RORC: variants seen among roughly 807,000 people sequenced by gnomAD.
RORC encodes the protein RAR related orphan receptor C.
In RORC, 13 loss-of-function variants were observed where a neutral mutation model predicts 64.5. The ratio of observed to expected loss-of-function variants is 0.20; its 90% CI spans 0.13 to 0.32. The LOEUF (loss-of-function observed/expected upper bound fraction) is 0.32, where lower values mean the gene tolerates loss of function less well. Among genes scored for constraint, RORC ranks in the 10% least tolerant of loss-of-function variants. The pLI, the probability that RORC is intolerant of heterozygous loss-of-function variation, is 1.00. For missense variants in RORC, 468 were observed against 669.5 expected, an observed-to-expected ratio of 0.70 and a Z score of 3.32; for synonymous variants, 277 against 259.3, an observed-to-expected ratio of 1.07 and a Z score of -0.65.
chr1:151,816,598 CAGCAGGCCAGGCT>C, intron 4 of RORC, 53 bp downstream of exon 4: 1 of 1,488,502 alleles, frequency 6.7e-7, no homozygotes, highest in South Asian at 1.3e-5. Context: ...TTGTCTAGCT[CAGCAGGCCAGGCT>C]GCCCCTCTGG....
intron 3 of RORC, 105 bp from the exon 4 acceptor site, chr1:151,816,910 A>C: frequency 8.1e-7 from 1 of 1,233,890 alleles, no homozygotes; most frequent in Non-Finnish European, 1.1e-6. Flanking sequence ...ACATCCCACG[A>C]CCTGTCAGTT....
chr1:151,829,437 GTCT>G lies in RORC; in HGVS notation c.59_61del (p.Lys20del). Reference sequence around the variant, plus strand: ...CCGGACCCCCTACTCACAGGTGTGGGTCTTCTTTGCAGCCAGCAGCTCTGTAAA... The same window carrying G: ...CCGGACCCCCTACTCACAGGTGTGGGTCTTTGCAGCCAGCAGCTCTGTAAA... On this transcript the variant is annotated inframe_deletion, in exon 2 of 11. Coordinates refer to ENST00000318247, the MANE Select transcript of RORC (RefSeq NM_005060.4). 1 of 1,536,774 alleles carries G rather than the reference GTCT, an allele frequency of 6.5e-7. No individual in the cohort carries two copies. Among genetic ancestry groups the G allele is most frequent in the Non-Finnish European group, 8.7e-7 (1 of 1,149,604 alleles).
rs17582155 is a variant in RORC at position 151,831,737 on chromosome 1, G to A, written c.28C>T (p.Arg10Ter). Reference sequence around the variant, plus strand: ...ATGGGCCTCTTACCCCGTGAGGCTCGGTGCTGTCTCTGTGGGGCCCTGTCC... The same window carrying A: ...ATGGGCCTCTTACCCCGTGAGGCTCAGTGCTGTCTCTGTGGGGCCCTGTCC... MDRAPQRQHRASRELLAAKK... is the reference protein window; with the variant it reads MDRAPQRQH The change falls in exon 1 of 11, where the codon CGA becomes TGA. Residue 10 changes from arginine (R) to a stop codon, truncating the protein, a stop_gained. Transcript: ENST00000318247. LOFTEE classifies it high-confidence loss of function. 2.7e-3 allele frequency: 4,320 copies of A among 1,610,640 alleles called. 11 individuals are homozygous for A. Among genetic ancestry groups the A allele is most frequent in the Non-Finnish European group, 3.3e-3 (3,915 of 1,179,970 alleles).
chr1:151,811,316 T>C lies in RORC; in HGVS notation c.1395+9A>G. ...GCCTGGCCTCTTCTACCCCAGGGAC[T>C]GCTCCTACCTTTGCCAGGATGCTTT... On this transcript the variant is annotated intron_variant, in intron 10 of 10. Transcript: ENST00000318247. The C allele has an allele frequency of 6.3e-7, 1 of 1,596,020 alleles. No homozygotes were observed. Among genetic ancestry groups the C allele is most frequent in the Non-Finnish European group, 8.6e-7 (1 of 1,163,800 alleles).
chr1:151,809,151 C>T (rs1049383186), intron 10 of RORC, among the ~76,000 whole-genome samples: 14 of 152,152 alleles, frequency 9.2e-5, no homozygotes, highest in Non-Finnish European at 1.6e-4. Flanking sequence ...GTAATCCCAA[C>T]ACTTTGGGAG....
Position 151,815,241 on chromosome 1 carries a change from G to T in RORC, c.483C>A (p.Gly161=), listed in dbSNP as rs1651712966. Residue 161 remains glycine, a synonymous_variant, in exon 5 of 11, where the codon GGC becomes GGA. Coordinates refer to ENST00000318247, the MANE Select transcript of RORC (RefSeq NM_005060.4). ...LGLPDGQLPL[G]SSPDLPEASA... is the part of the protein sequence containing the mutation. ...AAGCCTCAGGCAGGTCAGGCGAGGAGCCCAGGGGCAGCTGCCCGTCTGGGA... is the reference window on the plus strand; with the variant it reads ...AAGCCTCAGGCAGGTCAGGCGAGGATCCCAGGGGCAGCTGCCCGTCTGGGA... 5.6e-6 allele frequency: 9 copies of T among 1,611,070 alleles called. No homozygotes were observed. The highest frequency in any genetic ancestry group is 7.6e-6 in the Non-Finnish European group (9 of 1,177,888).
chr1:151,825,901 C>T (rs1364741333), intron 2 of RORC: 3 of 1,613,478 alleles, frequency 1.9e-6, no homozygotes, highest in Non-Finnish European at 2.5e-6. Context: ...TCCAGGCTCC[C>T]CCGCCCCCAG....
At chr1:151,821,465 G>A (rs1651991626) in intron 2 of RORC, among the ~76,000 whole-genome samples, 1 of 152,210 alleles carries the variant, frequency 6.6e-6, no homozygotes, top group Non-Finnish European at 1.5e-5. Flanking sequence ...GATAATGATA[G>A]ACATAAGCAT....
At chr1:151,821,786 T>C (rs774854576) in intron 2 of RORC, among the ~76,000 whole-genome samples, 2 of 151,844 alleles carry the variant, frequency 1.3e-5, no homozygotes, top group Non-Finnish European at 1.5e-5. Flanking sequence ...GGGGTAAAAG[T>C]GTGAGGTGAT....
chr1:151,814,780 C>A, intron 5 of RORC, 85 bp from the exon 6 acceptor site: 5 of 1,549,576 alleles, frequency 3.2e-6, no homozygotes, highest in Non-Finnish European at 4.4e-6. Context: ...CCTGGCCTAT[C>A]CTGCTCCGCC....
In RORC at chr1:151,816,724, G is replaced by T; in HGVS notation, c.238C>A (p.Arg80=). Residue 80 remains arginine, a synonymous_variant, in exon 4 of 11, where the codon CGA becomes AGA. Coordinates refer to ENST00000318247, the MANE Select transcript of RORC (RefSeq NM_005060.4). ...QQNCPIDRTS[R]NRCQHCRLQK... is the part of the protein sequence containing the mutation. Reference sequence around the variant, plus strand: ...AGGCGGCAGTGCTGGCATCGGTTTCGGCTGGTGCGGTCGATGGGGCAGTTC... The same window carrying T: ...AGGCGGCAGTGCTGGCATCGGTTTCTGCTGGTGCGGTCGATGGGGCAGTTC... 1 of 1,602,582 alleles carries T rather than the reference G, an allele frequency of 6.2e-7. No homozygotes were observed. The highest frequency in any genetic ancestry group is 8.5e-7 in the Non-Finnish European group (1 of 1,174,544).
chr1:151,822,298 A>G (rs1652023995), intron 2 of RORC, among the ~76,000 whole-genome samples: 1 of 142,450 alleles, frequency 7.0e-6, no homozygotes, highest in East Asian at 2.5e-4. Context: ...GGGGAGCAGG[A>G]GCGGGAGGGC....
chr1:151,815,818 G>A (rs1421556594), intron 4 of RORC, among the ~76,000 whole-genome samples: 1 of 152,158 alleles, frequency 6.6e-6, no homozygotes, highest in Admixed American at 6.5e-5. Context: ...GAAGAGGAGA[G>A]CTGAGAACAC....
chr1:151,807,371 C>T lies in RORC; in HGVS notation c.*101G>A. 1 of 1,256,122 alleles carries T rather than the reference C, an allele frequency of 8.0e-7. No homozygotes were observed. The highest frequency in any genetic ancestry group is 1.5e-5 in the South Asian group (1 of 67,178). 77.8% of individuals were successfully genotyped at this position (1,256,122 alleles called of 1,614,324 possible). ...ACTTCCAAAGAGCTGGTGGGGACCA[C>T]CCTCCAGGGTTCATGGGAAAGGAAA... On this transcript the variant is annotated 3_prime_UTR_variant, in exon 11 of 11. Coordinates refer to ENST00000318247, the MANE Select transcript of RORC (RefSeq NM_005060.4). The surrounding 1 kb of genome is among the most constrained non-coding windows in gnomAD (Gnocchi z 5.0).
intron 2 of RORC, among the ~76,000 whole-genome samples, chr1:151,823,634 C>T (rs1652078861): frequency 6.6e-6 from 1 of 151,948 alleles, no homozygotes; most frequent in East Asian, 1.9e-4. Flanking sequence ...GGCTTCACAC[C>T]TTCATGTTTG....
At chr1:151,829,003 G>A (rs1652300906) in intron 2 of RORC, among the ~76,000 whole-genome samples, 1 of 149,914 alleles carries the variant, frequency 6.7e-6, no homozygotes, top group East Asian at 2.0e-4. Flanking sequence ...AAAGCCTGGT[G>A]CAGGCTCCCT....
rs1339046491 is a variant in RORC at position 151,813,050 on chromosome 1, G to A, written c.1182C>T (p.Ser394=). The A allele has an allele frequency of 6.2e-6, 10 of 1,611,524 alleles. No individual in the cohort carries two copies. The East Asian group carries it at 1.1e-4, about 18-fold the overall frequency. ...AGTCAAAGATGGAGCTGATGAGCTC[G>A]CTGCAGCCTGATGGAGTGGAAATGA... ...GMELFRALGC[S]ELISSIFDFS... is the part of the protein sequence containing the mutation. The change falls in exon 9 of 11, where the codon AGC becomes AGT. Residue 394 remains serine, a synonymous_variant. Transcript: ENST00000318247.
At chr1:151,809,984 CTG>C (rs1285469892) in intron 10 of RORC, among the ~76,000 whole-genome samples, 1 of 152,168 alleles carries the variant, frequency 6.6e-6, no homozygotes, top group Non-Finnish European at 1.5e-5. Flanking sequence ...AATTTTCAGG[CTG>C]ATCATCTGGT....
intron 1 of RORC, among the ~76,000 whole-genome samples, chr1:151,831,367 G>C (rs1294869028): frequency 3.3e-5 from 5 of 152,104 alleles, no homozygotes; most frequent in South Asian, 4.1e-4. Flanking sequence ...TGCCTCCTGG[G>C]GGGTAAGCCC....
Sources: allele counts gnomAD v4.1 joint callset (sites outside exome capture counted in the v4.1 genomes callset), GRCh38; gene constraint gnomAD v4.1.1; non-coding constraint Gnocchi (gnomAD v3.1); transcripts MANE v1.5; gene names NCBI Gene and HGNC (gene_info 2026-07-23, HGNC 2026-07-21).